The following UGT1A7 variants were observed in gnomAD, a reference collection of about 807,000 sequenced individuals.
UGT1A7 encodes the protein UDP-glucuronosyltransferase 1A7.
Under a neutral mutation model 45.6 loss-of-function variants are expected in UGT1A7, and 33 were observed. That is an observed-to-expected ratio of 0.72 (90% CI 0.55 to 0.97). The LOEUF (loss-of-function observed/expected upper bound fraction) is 0.97, where lower values mean the gene tolerates loss of function less well. Among genes scored for constraint, UGT1A7 ranks in the 50% least tolerant of loss-of-function variants. The pLI, the probability that UGT1A7 is intolerant of heterozygous loss-of-function variation, is 0.00. For missense variants in UGT1A7, 684 were observed against 666.2 expected (o/e 1.03, Z -0.29); for synonymous variants, 274 against 250.6 (o/e 1.09, Z -0.88).
At chr2:233,707,538 CT>C (rs753963758) in intron 1 of UGT1A7, among the ~76,000 whole-genome samples, 1,931 of 126,726 alleles carry the variant, frequency 0.015, 27 homozygotes, top group African/African-American at 0.038. Flanking sequence ...TTTGTCTTGC[CT>C]TTTTTTTTTT....
chr2:233,731,684 T>C (rs2078191188), intron 1 of UGT1A7, among the ~76,000 whole-genome samples: 1 of 152,270 alleles, frequency 6.6e-6, no homozygotes, highest in Non-Finnish European at 1.5e-5. Flanking sequence ...CAGTCTATCA[T>C]TGATGGACAT....
At chr2:233,752,428 G>C (rs538581016) in intron 1 of UGT1A7, 1 of 152,028 alleles carries the variant, frequency 6.6e-6, no homozygotes, top group African/African-American at 2.4e-5. Context: ...CTGATTTATC[G>C]AACCCTTTTA....
At chr2:233,738,589 T>A (rs765619783) in intron 1 of UGT1A7, among the ~76,000 whole-genome samples, 10 of 152,236 alleles carry the variant, frequency 6.6e-5, no homozygotes, top group Admixed American at 1.3e-4. Flanking sequence ...CAAAGGTCAC[T>A]CTTGCTAAGC....
At chr2:233,695,917 A>G (rs2075314199) in intron 1 of UGT1A7, among the ~76,000 whole-genome samples, 1 of 152,158 alleles carries the variant, frequency 6.6e-6, no homozygotes, top group African/African-American at 2.4e-5. Context: ...TTTTCTCCAC[A>G]CACCAAGCAA....
intron 1 of UGT1A7, among the ~76,000 whole-genome samples, chr2:233,762,572 C>A (rs947472049): frequency 6.6e-6 from 1 of 152,114 alleles, no homozygotes; most frequent in Non-Finnish European, 1.5e-5. Flanking sequence ...GTCTAGTTCC[C>A]CACAGAGGAA....
chr2:233,758,882 G>A (rs1040382997), intron 1 of UGT1A7, among the ~76,000 whole-genome samples: 12 of 152,162 alleles, frequency 7.9e-5, no homozygotes, highest in African/African-American at 2.7e-4. Context: ...ATAGTCCATG[G>A]TCAATAAATA....
chr2:233,742,713 C>T lies in UGT1A7; in HGVS notation c.856-24321C>T, dbSNP rs546122146. 3.3e-4 allele frequency: 50 copies of T among 152,640 alleles called. 1 individual carries two copies. Among genetic ancestry groups the T allele is most frequent in the African/African-American group, 1.1e-3 (46 of 41,252 alleles). 9.5% of individuals were successfully genotyped at this position (152,640 alleles called of 1,614,324 possible). On this transcript the variant is annotated intron_variant, in intron 1 of 4. Coordinates refer to ENST00000373426, the MANE Select transcript of UGT1A7 (RefSeq NM_019077.3). ...GGGAACATGCTTCCACCGATTTCAG[C>T]TCAGTGATATGGGATTCAAATGTCT... is the stretch of plus-strand genomic sequence containing the variant.
chr2:233,763,859 A>G (rs1418944768), intron 1 of UGT1A7, among the ~76,000 whole-genome samples: 1 of 152,176 alleles, frequency 6.6e-6, no homozygotes, highest in Non-Finnish European at 1.5e-5. Context: ...GTTCACAGAC[A>G]ATCGCAATGC....
At chr2:233,690,390 C>T in intron 1 of UGT1A7, 3 of 1,083,924 alleles carry the variant, frequency 2.8e-6, no homozygotes, top group Non-Finnish European at 3.7e-6. Flanking sequence ...CGTTTCCAGA[C>T]CTTCCTATTC....
At chr2:233,720,365 G>A (rs920594093) in intron 1 of UGT1A7, among the ~76,000 whole-genome samples, 1 of 152,064 alleles carries the variant, frequency 6.6e-6, no homozygotes, top group Admixed American at 6.5e-5. Flanking sequence ...ATGTCAAAAG[G>A]GTCTTCTACT....
At chr2:233,755,288 C>T in intron 1 of UGT1A7, 1 of 652,734 alleles carries the variant, frequency 1.5e-6, no homozygotes, top group Non-Finnish European at 2.4e-6. Flanking sequence ...GCCAAAGAGC[C>T]TGCGGGGCAC....
chr2:233,769,848 A>C lies in UGT1A7; in HGVS notation c.1295+1409A>C. ...CCAGCAACCTGGGCAACAGAGTGAG[A>C]CCCTGTCTCAAAAAAAAAAAAAAAA... is the stretch of plus-strand genomic sequence containing the variant. On this transcript the variant is annotated intron_variant, in intron 4 of 4. Transcript: ENST00000373426. The surrounding 1 kb of genome is among the most constrained non-coding windows in gnomAD (Gnocchi z 4.4). The C allele has an allele frequency of 1.9e-5, 9 of 472,234 alleles. No homozygotes were observed. Among genetic ancestry groups the C allele is most frequent in the South Asian group, 5.6e-5 (1 of 17,844 alleles). The allele number at this position is 472,234 out of a possible 1,614,324, so 29.3% of individuals were successfully genotyped here.
In UGT1A7 at chr2:233,719,617, C is replaced by T. The variant is rs756696112; in HGVS notation, c.855+36825C>T. On this transcript the variant is annotated intron_variant, in intron 1 of 4. Transcript: ENST00000373426. ...CGAGGGGACTTTGTGATGGACTACC[C>T]CAGGCCGATCATGCCCAACATGGTC... 9 of 1,614,012 alleles carry T rather than the reference C, an allele frequency of 5.6e-6. No homozygotes were observed. The South Asian group carries it at 9.9e-5, about 18-fold the overall frequency.
chr2:233,759,596 C>G (rs1697189496), intron 1 of UGT1A7, among the ~76,000 whole-genome samples: 1 of 145,706 alleles, frequency 6.9e-6, no homozygotes, highest in Non-Finnish European at 1.5e-5. Flanking sequence ...CCCCCCACCC[C>G]CGACCCGCCC....
chr2:233,710,145 T>C (rs1309265551), intron 1 of UGT1A7, among the ~76,000 whole-genome samples: 3 of 152,254 alleles, frequency 2.0e-5, no homozygotes, highest in Non-Finnish European at 4.4e-5. Context: ...TGTATAGATA[T>C]ATCATCATTT....
intron 1 of UGT1A7, chr2:233,743,635 G>C: frequency 1.5e-6 from 2 of 1,367,296 alleles, no homozygotes; most frequent in Non-Finnish European, 2.0e-6. Flanking sequence ...CGGCTGGGTC[G>C]CGGAAGCTGA....
Position 233,739,198 on chromosome 2 carries a change from G to A in UGT1A7, c.856-27836G>A, listed in dbSNP as rs555664061. On this transcript the variant is annotated intron_variant, in intron 1 of 4. Coordinates refer to ENST00000373426, the MANE Select transcript of UGT1A7 (RefSeq NM_019077.3). ...GAAATGCTTGGATGTCCAGGCAGAC[G>A]TTTGCTGCATGGATAGAGTCCTTAT... 7.2e-5 allele frequency: 11 copies of A among 152,362 alleles called. No individual in the cohort carries two copies. The East Asian group carries it at 9.6e-4, about 13-fold the overall frequency. 9.4% of individuals were successfully genotyped at this position (152,362 alleles called of 1,614,324 possible).
Position 233,769,525 on chromosome 2 carries a change from C to T in UGT1A7, c.1295+1086C>T. On this transcript the variant is annotated intron_variant, in intron 4 of 4. Transcript: ENST00000373426. The surrounding 1 kb of genome is among the most constrained non-coding windows in gnomAD (Gnocchi z 4.4). ...CATTGCTTTCTCCCATGGTTACCTC[C>T]TTTAGAAAGAAGCAGCAGTCAGGAA... 1 of 1,612,854 alleles carries T rather than the reference C, an allele frequency of 6.2e-7. No individual in the cohort carries two copies. Among genetic ancestry groups the T allele is most frequent in the Non-Finnish European group, 8.5e-7 (1 of 1,179,858 alleles).
chr2:233,772,112 C>A, intron 4 of UGT1A7, 150 bp from the exon 5 acceptor site: 1 of 1,527,992 alleles, frequency 6.5e-7, no homozygotes, highest in South Asian at 1.2e-5. Context: ...GACTCTGTAT[C>A]TAAAAACAAC....
Sources: allele counts gnomAD v4.1 joint callset (sites outside exome capture counted in the v4.1 genomes callset), GRCh38; gene constraint gnomAD v4.1.1; non-coding constraint Gnocchi (gnomAD v3.1); transcripts MANE v1.5; gene names NCBI Gene and HGNC (gene_info 2026-07-23, HGNC 2026-07-21).